PIK3AP1: variants seen among roughly 807,000 people sequenced by gnomAD.
PIK3AP1 encodes the protein phosphoinositide-3-kinase adaptor protein 1, also known as phosphoinositide 3-kinase adapter protein 1.
PIK3AP1 carries 21 observed loss-of-function variants against 88.1 expected under a neutral mutation model. The ratio of observed to expected loss-of-function variants is 0.24; its 90% confidence interval spans 0.17 to 0.34. PIK3AP1 has a LOEUF of 0.34. PIK3AP1 is among the 10% of genes least tolerant of loss of function. The pLI is 1.00. For missense variants in PIK3AP1, 828 were observed against 1,035.7 expected (o/e 0.80, Z 2.75); for synonymous variants, 398 against 400.0 (o/e 1.00, Z 0.06).
intron 2 of PIK3AP1, among the ~76,000 whole-genome samples, chr10:96,689,502 G>A (rs766230942): frequency 9.4e-5 from 14 of 149,504 alleles, no homozygotes; most frequent in Admixed American, 2.7e-4. Flanking sequence ...CCCAAGAGGC[G>A]GAGCTTGCAG....
chr10:96,675,886 T>C (rs758457363), intron 2 of PIK3AP1, among the ~76,000 whole-genome samples: 12 of 152,214 alleles, frequency 7.9e-5, no homozygotes, highest in Non-Finnish European at 1.3e-4. Flanking sequence ...CACTGTTGCA[T>C]ACTCGTATTA....
Position 96,595,324 on chromosome 10 carries a change from C to T in PIK3AP1, c.*253G>A. 6.3e-6 allele frequency: 3 copies of T among 475,462 alleles called. No individual in the cohort carries two copies. 29.5% of individuals were successfully genotyped at this position (475,462 alleles called of 1,614,324 possible). A position where few individuals can be genotyped will look rare whatever the true frequency, so the allele number is the denominator to read the frequency against. Reference sequence around the variant, plus strand: ...GAGGTAAGTATTTCGATTAAGTCTTCATCCTTTTGGCAAACAAGTATATGG... The same window carrying T: ...GAGGTAAGTATTTCGATTAAGTCTTTATCCTTTTGGCAAACAAGTATATGG... On this transcript the variant is annotated 3_prime_UTR_variant, in exon 17 of 17. Coordinates refer to ENST00000339364, the MANE Select transcript of PIK3AP1 (RefSeq NM_152309.3).
chr10:96,716,817 T>G (rs1200974398), intron 1 of PIK3AP1, among the ~76,000 whole-genome samples: 1 of 152,078 alleles, frequency 6.6e-6, no homozygotes, highest in Non-Finnish European at 1.5e-5. Context: ...TGAGGAAGGG[T>G]CTTTCTTTGT....
chr10:96,682,849 C>T (rs1399714576), intron 2 of PIK3AP1, among the ~76,000 whole-genome samples: 1 of 152,200 alleles, frequency 6.6e-6, no homozygotes, highest in Non-Finnish European at 1.5e-5. Context: ...AGCTGCTTTC[C>T]TCTTCAATTG....
intron 11 of PIK3AP1, 187 bp from the exon 12 acceptor site, chr10:96,620,744 C>T (rs192342456): frequency 2.6e-4 from 154 of 582,560 alleles, no homozygotes; most frequent in African/African-American, 2.6e-3. Context: ...AATTCCAAGG[C>T]CTATCACACT....
chr10:96,685,414 A>G (rs1844055251), intron 2 of PIK3AP1, among the ~76,000 whole-genome samples: 1 of 152,190 alleles, frequency 6.6e-6, no homozygotes, highest in Admixed American at 6.5e-5. Flanking sequence ...GACACAAACC[A>G]TCTTCATCTG....
chr10:96,666,380 T>C (rs1415659364), intron 2 of PIK3AP1, among the ~76,000 whole-genome samples: 6 of 152,032 alleles, frequency 3.9e-5, no homozygotes, highest in African/African-American at 7.3e-5. Context: ...GATCGCACCA[T>C]TGTACTCCAG....
chr10:96,602,412 G>T lies in PIK3AP1; in HGVS notation c.2242-14C>A. The T allele has an allele frequency of 6.2e-7, 1 of 1,601,860 alleles. No individual in the cohort carries two copies. Among genetic ancestry groups the T allele is most frequent in the Non-Finnish European group, 8.5e-7 (1 of 1,169,688 alleles). On this transcript the variant is annotated splice_polypyrimidine_tract_variant and intron_variant, in intron 15 of 16. Transcript: ENST00000339364. ...GACTTCATTATCCTACAGCAAAGAA[G>T]ATGAGAAAGAAAGGCGAAAACTACA...
Position 96,651,758 on chromosome 10 carries a change from G to A in PIK3AP1, c.713-107C>T, listed in dbSNP as rs1035113551. On this transcript the variant is annotated intron_variant, in intron 4 of 16. Transcript: ENST00000339364. ...ATCTGAGTGGTGAGGACACTAATTG[G>A]GGGCTGGAAGAAAGATCTTGGAGGT... 3.7e-5 allele frequency: 48 copies of A among 1,304,412 alleles called. No homozygotes were observed. In the African/African-American group the frequency reaches 4.5e-4, roughly 12 times the overall value. The allele number at this position is 1,304,412 out of a possible 1,614,324, so 80.8% of individuals were successfully genotyped here. A position where few individuals can be genotyped will look rare whatever the true frequency, so the allele number is the denominator to read the frequency against.
chr10:96,651,116 C>T (rs752038215), intron 6 of PIK3AP1, 132 bp downstream of exon 6: 225 of 1,208,406 alleles, frequency 1.9e-4, no homozygotes, highest in Non-Finnish European at 2.6e-4. Context: ...GAGTCCTTAT[C>T]ACAGGATAGG....
At chr10:96,683,837 A>G (rs1386859527) in intron 2 of PIK3AP1, among the ~76,000 whole-genome samples, 3 of 152,228 alleles carry the variant, frequency 2.0e-5, no homozygotes, top group Admixed American at 1.3e-4. Context: ...TTTATGCCCA[A>G]ATGTCAGGGA....
At chr10:96,654,552 CCTT>C (rs1843588911) in intron 3 of PIK3AP1, among the ~76,000 whole-genome samples, 1 of 152,190 alleles carries the variant, frequency 6.6e-6, no homozygotes, top group African/African-American at 2.4e-5. Flanking sequence ...CCCACCTACA[CCTT>C]CTGCCAGGGA....
At chr10:96,689,652 G>GT (rs1472887849) in intron 2 of PIK3AP1, among the ~76,000 whole-genome samples, 1 of 149,590 alleles carries the variant, frequency 6.7e-6, no homozygotes, top group Admixed American at 6.6e-5. Flanking sequence ...TCTCCATGAA[G>GT]TTTTCAACTG....
intron 2 of PIK3AP1, among the ~76,000 whole-genome samples, chr10:96,672,551 G>C (rs76165207): frequency 6.6e-6 from 1 of 152,206 alleles, no homozygotes. Context: ...TATTCAAAGT[G>C]TTCATTTCTT....
At chr10:96,710,890 A>T (rs553955879) in intron 1 of PIK3AP1, among the ~76,000 whole-genome samples, 49 of 152,234 alleles carry the variant, frequency 3.2e-4, no homozygotes, top group Non-Finnish European at 3.8e-4. Context: ...CTTGTCATAT[A>T]GAAAACCCTC....
chr10:96,616,802 G>T, intron 12 of PIK3AP1, 91 bp from the exon 13 acceptor site: 1 of 1,236,610 alleles, frequency 8.1e-7, no homozygotes, highest in Non-Finnish European at 1.2e-6. Flanking sequence ...GCTGTTTGCA[G>T]GGTATATCAC....
Position 96,645,880 on chromosome 10 carries a change from G to A in PIK3AP1, c.1186-218C>T, listed in dbSNP as rs181851278. On this transcript the variant is annotated intron_variant, in intron 7 of 16. Transcript: ENST00000339364. ...ATTTCACGTTTTTGTTTTAATCTTC[G>A]TATCTTCCTACAACACTAAGCACAG... Among the ~76,000 whole-genome samples the A allele has an allele frequency of 2.5e-3, 380 of 152,082 alleles. 1 individual carries two copies. The highest frequency in any genetic ancestry group is 4.8e-3 in the South Asian group (23 of 4,818).
intron 2 of PIK3AP1, among the ~76,000 whole-genome samples, chr10:96,672,320 G>C (rs965507390): frequency 6.6e-6 from 1 of 152,122 alleles, no homozygotes; most frequent in Non-Finnish European, 1.5e-5. Context: ...GAGGGTTCTG[G>C]GTCAAGGATC....
intron 13 of PIK3AP1, among the ~76,000 whole-genome samples, chr10:96,614,074 G>C (rs535877560): frequency 2.6e-5 from 4 of 152,144 alleles, no homozygotes; most frequent in Non-Finnish European, 5.9e-5. Context: ...CGTCTGTCCT[G>C]CTTCAGTATC....
Sources: allele counts gnomAD v4.1 joint callset (sites outside exome capture counted in the v4.1 genomes callset), GRCh38; gene constraint gnomAD v4.1.1; transcripts MANE v1.5; gene names NCBI Gene and HGNC (gene_info 2026-07-23, HGNC 2026-07-21).